RCC1L: variants seen among roughly 807,000 people sequenced by gnomAD.
RCC1L encodes RCC1-like G exchanging factor-like protein.
Under a neutral mutation model 58.6 loss-of-function variants are expected in RCC1L, and 46 were observed. The observed-to-expected ratio is 0.79, with a 90% confidence interval of 0.62 to 1.00. The LOEUF (loss-of-function observed/expected upper bound fraction) is 1.00. Ranked by LOEUF, RCC1L falls within the 50% of genes least tolerant of loss-of-function variation. RCC1L has a pLI of 0.00. For synonymous variants in RCC1L, 281 were observed against 262.9 expected, an observed-to-expected ratio of 1.07 and a Z score of -0.67; for missense variants, 636 against 623.6, an observed-to-expected ratio of 1.02 and a Z score of -0.21.
At chr7:75,031,651 C>A (rs1244056307) in intron 10 of RCC1L, among the ~76,000 whole-genome samples, 1 of 151,896 alleles carries the variant, frequency 6.6e-6, no homozygotes, top group Non-Finnish European at 1.5e-5. Context: ...TAGAAAAACA[C>A]CCAGAATTTG....
At chr7:75,052,260 G>C (rs1805935259) in intron 10 of RCC1L, among the ~76,000 whole-genome samples, 3 of 152,134 alleles carry the variant, frequency 2.0e-5, no homozygotes, top group Admixed American at 6.5e-5. Context: ...ACAGCTTCTA[G>C]CGTGCCAACT....
intron 3 of RCC1L, among the ~76,000 whole-genome samples, chr7:75,065,196 AAAAAAAAAG>A (rs1417253703): frequency 6.6e-6 from 1 of 152,044 alleles, no homozygotes; most frequent in Non-Finnish European, 1.5e-5. Context: ...AATTAAAAAA[AAAAAAAAAG>A]AAAGAGCTCC....
intron 2 of RCC1L, 64 bp from the exon 3 acceptor site, chr7:75,066,856 A>G (rs968451580): frequency 6.5e-7 from 1 of 1,543,992 alleles, no homozygotes; most frequent in Non-Finnish European, 8.7e-7. Context: ...ATACTGTCCA[A>G]CTCCACGCTA....
chr7:75,045,232 T>C (rs1038661864), intron 10 of RCC1L, among the ~76,000 whole-genome samples: 4 of 151,992 alleles, frequency 2.6e-5, no homozygotes, highest in Non-Finnish European at 4.4e-5. Context: ...GGCTGGATTA[T>C]AGAGACACAA....
At chr7:75,061,183 C>A in intron 6 of RCC1L, 24 bp downstream of exon 6, 1 of 1,602,262 alleles carries the variant, frequency 6.2e-7, no homozygotes, top group Non-Finnish European at 8.6e-7. Context: ...GTTTCACGAC[C>A]CCAGTGCATG....
At chr7:75,043,184 C>T in intron 10 of RCC1L, 75 bp from the exon 11 acceptor site, 1 of 1,539,776 alleles carries the variant, frequency 6.5e-7, no homozygotes, top group Non-Finnish European at 9.0e-7. Context: ...GTTGGCCGAC[C>T]CGGCCCTGCC....
chr7:75,058,371 G>C (rs1554444190), intron 7 of RCC1L, among the ~76,000 whole-genome samples: 1 of 151,524 alleles, frequency 6.6e-6, no homozygotes. Context: ...TGGGATTACA[G>C]GCATGCACCA....
At chr7:75,035,725 G>A (rs1428471999) in intron 10 of RCC1L, among the ~76,000 whole-genome samples, 1 of 151,896 alleles carries the variant, frequency 6.6e-6, no homozygotes, top group Non-Finnish European at 1.5e-5. Context: ...AAAAAGCCTG[G>A]GCGAGGTGGC....
chr7:75,046,548 G>A lies in RCC1L; in HGVS notation c.1318-3439C>T, dbSNP rs1256619975. Among the ~76,000 whole-genome samples, 7 of 152,312 alleles carry A rather than the reference G, an allele frequency of 4.6e-5. No homozygotes were observed. The East Asian group carries it at 5.8e-4, about 13-fold the overall frequency. ...CTGGGAGCCAGCCCTAGGGACCAGCGGGAGGCTCCCCAAGGTTCCAGCTCC... is the reference window on the plus strand; with the variant it reads ...CTGGGAGCCAGCCCTAGGGACCAGCAGGAGGCTCCCCAAGGTTCCAGCTCC... On this transcript the variant is annotated intron_variant, in intron 10 of 10. Coordinates refer to ENST00000610322, the MANE Select transcript of RCC1L (RefSeq NM_030798.5).
chr7:75,067,742 G>C (rs1366282649), intron 2 of RCC1L, among the ~76,000 whole-genome samples: 1 of 152,148 alleles, frequency 6.6e-6, no homozygotes, highest in African/African-American at 2.4e-5. Flanking sequence ...CTACTTTGGA[G>C]GCTGAGATGG....
At chr7:75,053,582 A>G (rs1303572823) in intron 9 of RCC1L, among the ~76,000 whole-genome samples, 1 of 152,174 alleles carries the variant, frequency 6.6e-6, no homozygotes, top group Non-Finnish European at 1.5e-5. Flanking sequence ...TGATTTTAAT[A>G]TATGTTTACA....
At chr7:75,060,285 T>C (rs587612879) in intron 6 of RCC1L, among the ~76,000 whole-genome samples, 363 of 152,362 alleles carry the variant, frequency 2.4e-3, no homozygotes, top group African/African-American at 8.1e-3. Flanking sequence ...TGCTGAGGAA[T>C]AGGCCCCTTT....
intron 4 of RCC1L, among the ~76,000 whole-genome samples, chr7:75,063,987 G>A (rs1806366733): frequency 6.6e-6 from 1 of 151,334 alleles, no homozygotes; most frequent in Admixed American, 6.6e-5. Context: ...ATGAATAAAG[G>A]GGAATGTTTA....
At chr7:75,036,257 C>T (rs985624815) in intron 10 of RCC1L, among the ~76,000 whole-genome samples, 8 of 151,568 alleles carry the variant, frequency 5.3e-5, no homozygotes, top group African/African-American at 1.9e-4. Flanking sequence ...GCTGGGATTA[C>T]AGGCATGTGC....
intron 10 of RCC1L, among the ~76,000 whole-genome samples, chr7:75,033,244 T>C (rs1458268329): frequency 3.9e-5 from 6 of 152,130 alleles, no homozygotes; most frequent in Middle Eastern, 3.4e-3. Flanking sequence ...AGTGCTAGGA[T>C]GGACCACAAA....
At chr7:75,050,612 A>G (rs1432716029) in intron 10 of RCC1L, among the ~76,000 whole-genome samples, 2 of 152,234 alleles carry the variant, frequency 1.3e-5, no homozygotes, top group Non-Finnish European at 2.9e-5. Context: ...AAGAAAGGGC[A>G]AAGTGAGAGA....
chr7:75,072,175 T>C (rs1416615018), intron 1 of RCC1L, among the ~76,000 whole-genome samples: 2,169 of 92,684 alleles, frequency 0.023, 130 homozygotes, highest in African/African-American at 0.075. Context: ...TATATATATA[T>C]ATATATATAT....
At chr7:75,045,251 C>T (rs1252720276) in intron 10 of RCC1L, among the ~76,000 whole-genome samples, 2 of 152,040 alleles carry the variant, frequency 1.3e-5, no homozygotes, top group Non-Finnish European at 2.9e-5. Context: ...AATCATAGCT[C>T]GCACTACAAT....
intron 10 of RCC1L, among the ~76,000 whole-genome samples, chr7:75,045,623 C>G (rs1402310298): frequency 2.0e-5 from 3 of 151,516 alleles, no homozygotes; most frequent in Non-Finnish European, 4.4e-5. Flanking sequence ...TCAAGCGATT[C>G]TCCTGCCTCA....
Sources: gnomAD v4.1 joint callset for allele counts (sites outside exome capture counted in the v4.1 genomes callset) on GRCh38, gnomAD v4.1.1 for gene constraint, MANE v1.5 for transcripts, NCBI Gene and HGNC (gene_info 2026-07-23, HGNC 2026-07-21) for gene names.